The following SENP6 variants were observed in gnomAD, a reference collection of about 807,000 sequenced individuals.
SENP6 encodes the protein SUMO specific peptidase 6.
SENP6 carries 41 observed loss-of-function variants against 134.5 expected under a neutral mutation model. That is an observed-to-expected ratio of 0.30 (90% CI 0.24 to 0.40). SENP6 has a LOEUF of 0.40. Among genes scored for constraint, SENP6 ranks in the 10% least tolerant of loss-of-function variants. The probability of loss-of-function intolerance (pLI) is 1.00; values close to 1 mark genes in which losing one functional copy is unlikely to be tolerated. For synonymous variants in SENP6, 395 were observed against 429.8 expected, an observed-to-expected ratio of 0.92 and a Z score of 1.00; for missense variants, 1,248 against 1,312.5, an observed-to-expected ratio of 0.95 and a Z score of 0.76.
intron 1 of SENP6, among the ~76,000 whole-genome samples, chr6:75,615,270 T>A (rs1421180432): frequency 6.6e-6 from 1 of 152,014 alleles, no homozygotes; most frequent in Non-Finnish European, 1.5e-5. Context: ...ACCTCTGCCT[T>A]GTGGGTTCAA....
chr6:75,686,602 A>G (rs1484300431), intron 16 of SENP6, among the ~76,000 whole-genome samples: 1 of 152,100 alleles, frequency 6.6e-6, no homozygotes, highest in Non-Finnish European at 1.5e-5. Context: ...TGGTGACAAA[A>G]TCTCTCAGCA....
At chr6:75,625,098 C>CGT (rs987349488) in intron 3 of SENP6, among the ~76,000 whole-genome samples, 21 of 143,548 alleles carry the variant, frequency 1.5e-4, no homozygotes, top group South Asian at 2.2e-4. Context: ...AATATATATA[C>CGT]GTGTGTGTGT....
At chr6:75,637,294 T>C (rs1561990826) in intron 5 of SENP6, among the ~76,000 whole-genome samples, 1 of 152,156 alleles carries the variant, frequency 6.6e-6, no homozygotes, top group South Asian at 2.1e-4. Flanking sequence ...TGCTAAAATC[T>C]GAGTAATTCG....
intron 11 of SENP6, among the ~76,000 whole-genome samples, chr6:75,674,600 G>A (rs974671735): frequency 2.6e-5 from 4 of 152,114 alleles, no homozygotes; most frequent in Non-Finnish European, 4.4e-5. Context: ...AAAAGCCACC[G>A]TTCCCTGCCA....
chr6:75,680,018 C>T (rs767103143), intron 16 of SENP6, among the ~76,000 whole-genome samples: 3 of 152,016 alleles, frequency 2.0e-5, no homozygotes, highest in South Asian at 2.1e-4. Context: ...GGCATGACAT[C>T]GTGGAAGTCT....
chr6:75,602,702 G>A, intron 1 of SENP6, 126 bp downstream of exon 1: 1 of 960,604 alleles, frequency 1.0e-6, no homozygotes, highest in Non-Finnish European at 1.6e-6. Flanking sequence ...CGAGGGATGA[G>A]CGATGACGGG....
intron 16 of SENP6, among the ~76,000 whole-genome samples, chr6:75,689,846 C>T (rs1202937241): frequency 6.6e-6 from 1 of 152,138 alleles, no homozygotes; most frequent in African/African-American, 2.4e-5. Context: ...TTCAAATTAC[C>T]TCATGATGCC....
chr6:75,691,993 A>ATT (rs1416275671), intron 16 of SENP6, among the ~76,000 whole-genome samples: 1 of 151,954 alleles, frequency 6.6e-6, no homozygotes, highest in Non-Finnish European at 1.5e-5. Flanking sequence ...AGTAGCTGGG[A>ATT]TTACAGGCAT....
chr6:75,624,544 G>A (rs1007268092), intron 3 of SENP6, among the ~76,000 whole-genome samples: 7 of 151,572 alleles, frequency 4.6e-5, no homozygotes, highest in South Asian at 2.1e-4. Context: ...CCACACATCC[G>A]TCATAATGTC....
rs146873754 is a variant in SENP6 at position 75,615,980 on chromosome 6, A to G, written c.53-5552A>G. On this transcript the variant is annotated intron_variant, in intron 1 of 23. Coordinates refer to ENST00000447266, the MANE Select transcript of SENP6 (RefSeq NM_015571.4). ...TTTGCTTTCTTTGGTCAACTATACTAGTTCCTATTCATCCACCGAATGTTT... is the reference window on the plus strand; with the variant it reads ...TTTGCTTTCTTTGGTCAACTATACTGGTTCCTATTCATCCACCGAATGTTT... Among the ~76,000 whole-genome samples, 1,164 of 152,266 alleles carry G rather than the reference A, an allele frequency of 7.6e-3. 41 individuals are homozygous for G. Among genetic ancestry groups the G allele is most frequent in the Admixed American group, 0.063 (966 of 15,298 alleles).
intron 9 of SENP6, among the ~76,000 whole-genome samples, chr6:75,666,125 T>G (rs1166878584): frequency 2.1e-5 from 3 of 141,298 alleles, no homozygotes; most frequent in Non-Finnish European, 3.0e-5. Context: ...ATGATATATA[T>G]AAAACGTATA....
chr6:75,700,475 A>G (rs1774951200), intron 18 of SENP6, among the ~76,000 whole-genome samples: 2 of 152,054 alleles, frequency 1.3e-5, no homozygotes, highest in South Asian at 4.1e-4. Context: ...GTATTATACT[A>G]TATTTCATCA....
In SENP6 at chr6:75,713,519, T is replaced by C; in HGVS notation, c.2916T>C (p.Cys972=). ...GGTCATTTTTACCCTGCAGACCTTG[T>C]ATCCTACTTATGGACTCACTCCGAG... is the stretch of plus-strand genomic sequence containing the variant. The part of the protein sequence containing the change: ...HLKPTICKQP[C]ILLMDSLRGP... The change falls in exon 22 of 24, where the codon TGT becomes TGC. Residue 972 remains cysteine (C), a synonymous_variant. Transcript: ENST00000447266. 1 of 1,613,482 alleles carries C rather than the reference T, an allele frequency of 6.2e-7. No individual in the cohort carries two copies. Among genetic ancestry groups the C allele is most frequent in the Non-Finnish European group, 8.5e-7 (1 of 1,179,646 alleles).
At chr6:75,676,966 C>A in intron 13 of SENP6, 64 bp from the exon 14 acceptor site, 1 of 791,418 alleles carries the variant, frequency 1.3e-6, no homozygotes, top group Non-Finnish European at 2.0e-6. Context: ...ATAATTACTC[C>A]TTTTAAAAGT....
chr6:75,623,887 A>G lies in SENP6; in HGVS notation c.147-13A>G, dbSNP rs752473079. 1.3e-6 allele frequency: 2 copies of G among 1,592,950 alleles called. No homozygotes were observed. Among genetic ancestry groups the G allele is most frequent in the Middle Eastern group, 1.7e-4 (1 of 5,944 alleles). On this transcript the variant is annotated splice_polypyrimidine_tract_variant and intron_variant, in intron 2 of 23. Coordinates refer to ENST00000447266, the MANE Select transcript of SENP6 (RefSeq NM_015571.4). ...TTGCTACTTATGTTTTTTTCCCCTT[A>G]TTTTCTGTGTAGTGGGACAAATCTG...
intron 9 of SENP6, among the ~76,000 whole-genome samples, chr6:75,666,152 C>CATATATGATATATATATAAAACGT (rs1241953234): frequency 2.1e-5 from 3 of 140,042 alleles, no homozygotes; most frequent in Non-Finnish European, 4.6e-5. Flanking sequence ...ATATATAAAA[C>CATATATGATATATATATAAAACGT]ATATATGATA....
chr6:75,689,504 A>G (rs1378125256), intron 16 of SENP6, among the ~76,000 whole-genome samples: 1 of 152,230 alleles, frequency 6.6e-6, no homozygotes, highest in South Asian at 2.1e-4. Context: ...TGTGGAAAAC[A>G]GTGCGTAGGC....
intron 1 of SENP6, 114 bp from the exon 2 acceptor site, chr6:75,621,418 C>G: frequency 1.6e-6 from 1 of 644,858 alleles, no homozygotes; most frequent in South Asian, 2.0e-5. Flanking sequence ...TAGACAAAGG[C>G]AACCAAATTA....
At chr6:75,604,581 C>A (rs893501337) in intron 1 of SENP6, among the ~76,000 whole-genome samples, 1 of 150,476 alleles carries the variant, frequency 6.6e-6, no homozygotes, top group Admixed American at 6.6e-5. Flanking sequence ...GCAGTGATAG[C>A]GCCACTGCAC....
Sources: allele counts gnomAD v4.1 joint callset (sites outside exome capture counted in the v4.1 genomes callset), GRCh38; gene constraint gnomAD v4.1.1; transcripts MANE v1.5; gene names NCBI Gene and HGNC (gene_info 2026-07-23, HGNC 2026-07-21).